Variants in COL4A6 observed in about 807,000 individuals in gnomAD.
COL4A6 encodes the protein collagen alpha-6(IV) chain.
COL4A6 carries 59 observed loss-of-function variants against 126.7 expected under a neutral mutation model. The observed-to-expected ratio is 0.47, with a 90% CI of 0.38 to 0.58. The LOEUF (loss-of-function observed/expected upper bound fraction) is 0.58. Among genes scored for constraint, COL4A6 ranks in the 20% least tolerant of loss-of-function variants. The probability of loss-of-function intolerance (pLI) is 0.00; values close to 1 mark genes in which losing one functional copy is unlikely to be tolerated. For synonymous variants in COL4A6, 547 were observed against 496.6 expected (o/e 1.10, Z -1.35); for missense variants, 1,285 against 1,337.3 (o/e 0.96, Z 0.61).
At chrX:108,188,368 T>C in intron 21 of COL4A6, 149 bp downstream of exon 21, 4 of 502,085 alleles carry the variant, frequency 8.0e-6, no homozygotes, top group Non-Finnish European at 1.2e-5. Context: ...AGAGACTCTA[T>C]AGTCAGATTT....
chrX:108,205,758 G>T, intron 9 of COL4A6, 63 bp from the exon 10 acceptor site: 1 of 996,279 alleles, frequency 1.0e-6, no homozygotes, highest in South Asian at 2.1e-5. Flanking sequence ...AAAGAACACG[G>T]CATGTTGAGA....
chrX:108,405,702 A>G (rs1603220628), intron 2 of COL4A6, among the ~76,000 whole-genome samples: 1 of 111,030 alleles, frequency 9.0e-6, no homozygotes, highest in African/African-American at 3.3e-5. Flanking sequence ...CATCATTCCC[A>G]TATCTATATC....
intron 2 of COL4A6, among the ~76,000 whole-genome samples, chrX:108,421,176 T>A (rs1327127738): frequency 8.9e-6 from 1 of 111,896 alleles, no homozygotes; most frequent in Non-Finnish European, 1.9e-5. Context: ...TTTGCCATGA[T>A]CTCTGTCCAT....
At chrX:108,417,653 T>C (rs1937966530) in intron 2 of COL4A6, among the ~76,000 whole-genome samples, 1 of 112,082 alleles carries the variant, frequency 8.9e-6, no homozygotes, top group South Asian at 3.7e-4. Flanking sequence ...TAAACTGTTG[T>C]AAATTTCAAT....
At chrX:108,243,962 C>T (rs981375940) in intron 3 of COL4A6, among the ~76,000 whole-genome samples, 7 of 112,055 alleles carry the variant, frequency 6.2e-5, no homozygotes, top group African/African-American at 2.3e-4. Context: ...AAAAGGACAG[C>T]GGTCACATTT....
intron 3 of COL4A6, among the ~76,000 whole-genome samples, chrX:108,230,901 A>C (rs1472089506): frequency 1.8e-5 from 2 of 112,085 alleles, no homozygotes; most frequent in Non-Finnish European, 3.8e-5. Context: ...CATTGCCTGC[A>C]GAAGTAAATA....
At chrX:108,390,635 T>A (rs1272740221) in intron 2 of COL4A6, among the ~76,000 whole-genome samples, 1 of 110,124 alleles carries the variant, frequency 9.1e-6, no homozygotes, top group Non-Finnish European at 1.9e-5. Context: ...TTGTCTAACC[T>A]TTTTTCAAGG....
At chrX:108,436,712 A>G (rs766816213) in intron 2 of COL4A6, among the ~76,000 whole-genome samples, 1 of 112,204 alleles carries the variant, frequency 8.9e-6, no homozygotes, top group African/African-American at 3.2e-5. Context: ...TTACTTACAT[A>G]GGAACTGATA....
chrX:108,415,034 C>T (rs979766416), intron 2 of COL4A6, among the ~76,000 whole-genome samples: 1 of 111,474 alleles, frequency 9.0e-6, no homozygotes, highest in Admixed American at 9.6e-5. Flanking sequence ...TAGGATTTCT[C>T]TTCTCTCCAA....
rs1184605127 is a variant in COL4A6 at position 108,175,166 on chromosome X, T to A, written c.2880A>T (p.Pro960=). The change falls in exon 30 of 45, where the codon CCA becomes CCT. Residue 960 remains proline (P), a synonymous_variant. Transcript: ENST00000334504. ...GPVGIPSPRR[P]MSNLWLKGDK... is the part of the protein sequence containing the mutation. Reference sequence around the variant, plus strand: ...CTCCTTTGAGCCAAAGGTTTGACATTGGACGTCTTGGACTAGGTATTCCGA... The same window carrying A: ...CTCCTTTGAGCCAAAGGTTTGACATAGGACGTCTTGGACTAGGTATTCCGA... The A allele has an allele frequency of 8.3e-6, 10 of 1,200,618 alleles. No individual in the cohort carries two copies. Among genetic ancestry groups the A allele is most frequent in the Admixed American group, 4.5e-5 (2 of 44,713 alleles).
chrX:108,316,809 T>C (rs1379840543), intron 2 of COL4A6, among the ~76,000 whole-genome samples: 2 of 112,310 alleles, frequency 1.8e-5, no homozygotes, highest in Non-Finnish European at 3.8e-5. Flanking sequence ...TGAGAGAATA[T>C]GCTTGATGTT....
Position 108,342,693 on chromosome X carries a change from T to C in COL4A6, c.64-31865A>G, listed in dbSNP as rs73526988. On this transcript the variant is annotated intron_variant, in intron 2 of 44. Coordinates refer to ENST00000334504, the MANE Select transcript of COL4A6 (RefSeq NM_033641.4). ...CAAGGCTTTCAATTGCAGGCATCTTTTGCTAAATTCTTTGGGCCTGCAATA... is the reference window on the plus strand; with the variant it reads ...CAAGGCTTTCAATTGCAGGCATCTTCTGCTAAATTCTTTGGGCCTGCAATA... Among the ~76,000 whole-genome samples the C allele has an allele frequency of 3.9e-3, 434 of 111,825 alleles. 3 individuals carry two copies. Among genetic ancestry groups the C allele is most frequent in the African/African-American group, 0.014 (418 of 30,844 alleles).
In COL4A6 at chrX:108,294,412, T is replaced by TG. The variant is rs1163124311; in HGVS notation, c.144+16335_144+16336insC. ...TAGGGCAATTGTGTTTTTTTTTTTT[T>TG]TGGTGTGTGTGTGTGTGTGTATGTG... On this transcript the variant is annotated intron_variant, in intron 3 of 44. Coordinates refer to ENST00000334504, the MANE Select transcript of COL4A6 (RefSeq NM_033641.4). Among the ~76,000 whole-genome samples the TG allele has an allele frequency of 2.0e-3, 177 of 87,150 alleles. No homozygotes were observed. The East Asian group carries it at 0.026, about 13-fold the overall frequency. The allele number at this position is 87,150 out of a possible 115,157, so 75.7% of individuals were successfully genotyped here. A position where few individuals can be genotyped will look rare whatever the true frequency, so the allele number is the denominator to read the frequency against.
intron 3 of COL4A6, among the ~76,000 whole-genome samples, chrX:108,255,150 C>T (rs1303760817): frequency 1.2e-5 from 1 of 81,600 alleles, no homozygotes; most frequent in Non-Finnish European, 2.2e-5. Context: ...ATTAGTTTTG[C>T]TGATTGCTCA....
At chrX:108,157,298 G>T (rs1225664608) in intron 44 of COL4A6, 38 bp from the exon 45 acceptor site, 1 of 1,186,551 alleles carries the variant, frequency 8.4e-7, no homozygotes, top group African/African-American at 1.8e-5. Context: ...AGCTGTGCCT[G>T]CCAAGGGTTG....
chrX:108,433,071 G>A (rs1199668536), intron 2 of COL4A6, among the ~76,000 whole-genome samples: 1 of 111,381 alleles, frequency 9.0e-6, no homozygotes, highest in East Asian at 2.8e-4. Flanking sequence ...GGTTGGTGAT[G>A]AAGACTAGAC....
At position 108,368,695 on chromosome X, in the gene COL4A6, GTTTTTC is replaced by G. The variant is rs1461524912; in HGVS notation, c.64-57873_64-57868del. ...ACACTGTACAGCTGTACAAAAATAT[GTTTTTC>G]TTTATATTATTCTATAAGTTTTTTT... On this transcript the variant is annotated intron_variant, in intron 2 of 44. Coordinates refer to ENST00000334504, the MANE Select transcript of COL4A6 (RefSeq NM_033641.4). 2.7e-5 allele frequency among the ~76,000 whole-genome samples: 3 copies of G among 111,621 alleles called. No homozygotes were observed. In the East Asian group the frequency reaches 8.3e-4, roughly 31 times the overall value.
In COL4A6 at chrX:108,250,033, C is replaced by T. The variant is rs193086181; in HGVS notation, c.145-28659G>A. Among the ~76,000 whole-genome samples, 238 of 112,165 alleles carry T rather than the reference C, an allele frequency of 2.1e-3. 1 individual carries two copies. Among genetic ancestry groups the T allele is most frequent in the African/African-American group, 7.5e-3 (232 of 30,915 alleles). On this transcript the variant is annotated intron_variant, in intron 3 of 44. Coordinates refer to ENST00000334504, the MANE Select transcript of COL4A6 (RefSeq NM_033641.4). ...TTTATTGCAATGGGTCAACCCCCCT[C>T]AGGCTGTGGAACTGTGCAAACGAAA...
At chrX:108,282,237 A>G (rs1238877679) in intron 3 of COL4A6, among the ~76,000 whole-genome samples, 1 of 93,034 alleles carries the variant, frequency 1.1e-5, no homozygotes, top group Non-Finnish European at 2.2e-5. Flanking sequence ...AAATTTTTGC[A>G]ACCTACTCAT....
Sources: allele counts gnomAD v4.1 joint callset (sites outside exome capture counted in the v4.1 genomes callset), GRCh38; gene constraint gnomAD v4.1.1; transcripts MANE v1.5; gene names NCBI Gene and HGNC (gene_info 2026-07-23, HGNC 2026-07-21).